The following SPECC1 variants were observed in gnomAD, a reference collection of about 807,000 sequenced individuals.
SPECC1 encodes the protein sperm antigen with calponin homology and coiled-coil domains 1.
In SPECC1, 62 loss-of-function variants were observed where a neutral mutation model predicts 104.1. The ratio of observed to expected loss-of-function variants is 0.60; its 90% CI spans 0.49 to 0.74. The LOEUF is 0.74. Among genes scored for constraint, SPECC1 ranks in the 30% least tolerant of loss-of-function variants. SPECC1 has a pLI of 0.00. For synonymous variants in SPECC1, 513 were observed against 501.6 expected (o/e 1.02, Z -0.30); for missense variants, 1,306 against 1,310.5 (o/e 1.00, Z 0.05).
At chr17:20,070,456 T>C (rs2046506608) in intron 1 of SPECC1, among the ~76,000 whole-genome samples, 1 of 152,176 alleles carries the variant, frequency 6.6e-6, no homozygotes, top group South Asian at 2.1e-4. Context: ...AGAAATTCCA[T>C]TTGGTCATGG....
At chr17:20,272,187 C>T (rs1389480727) in intron 12 of SPECC1, among the ~76,000 whole-genome samples, 1 of 152,114 alleles carries the variant, frequency 6.6e-6, no homozygotes, top group Non-Finnish European at 1.5e-5. Context: ...TTCTTCTACT[C>T]TGTTTTCTTT....
chr17:20,197,576 T>G (rs997611995), intron 3 of SPECC1, among the ~76,000 whole-genome samples: 1 of 152,228 alleles, frequency 6.6e-6, no homozygotes, highest in South Asian at 2.1e-4. Context: ...TTAACTAATA[T>G]GATTTTTAGA....
At chr17:20,012,699 TGTG>T (rs1469992104) in intron 1 of SPECC1, among the ~76,000 whole-genome samples, 2 of 152,086 alleles carry the variant, frequency 1.3e-5, no homozygotes, top group African/African-American at 4.8e-5. Flanking sequence ...TAATAAATAT[TGTG>T]GTAAAATAAC....
intron 5 of SPECC1, among the ~76,000 whole-genome samples, chr17:20,228,564 G>C (rs2151464671): frequency 6.6e-6 from 1 of 152,318 alleles, no homozygotes; most frequent in East Asian, 1.9e-4. Context: ...CTGACACTGT[G>C]TTATCTCTTG....
chr17:20,299,784 A>G (rs1012511487), intron 13 of SPECC1, among the ~76,000 whole-genome samples: 1 of 152,144 alleles, frequency 6.6e-6, no homozygotes, highest in African/African-American at 2.4e-5. Context: ...TATTTAAATC[A>G]TGTGAAGTCT....
At chr17:20,066,394 G>T (rs1337716673) in intron 1 of SPECC1, among the ~76,000 whole-genome samples, 6 of 152,176 alleles carry the variant, frequency 3.9e-5, no homozygotes, top group Non-Finnish European at 7.4e-5. Context: ...TTCTTGTTCT[G>T]TGCAGAGCTG....
chr17:20,110,388 C>T (rs2048426000), intron 2 of SPECC1, 39 bp from the exon 3 acceptor site: 1 of 1,571,790 alleles, frequency 6.4e-7, no homozygotes, highest in African/African-American at 1.4e-5. Context: ...TCCTGAAAAC[C>T]ACCTCTTCAT....
intron 4 of SPECC1, among the ~76,000 whole-genome samples, chr17:20,221,975 T>C (rs980211179): frequency 1.3e-5 from 2 of 152,162 alleles, no homozygotes; most frequent in African/African-American, 4.8e-5. Context: ...ATTTCTAGTT[T>C]TATTCCATGG....
At chr17:20,162,425 C>T (rs1300287760) in intron 3 of SPECC1, among the ~76,000 whole-genome samples, 10 of 152,248 alleles carry the variant, frequency 6.6e-5, no homozygotes, top group Middle Eastern at 3.4e-3. Flanking sequence ...GGATTACAGA[C>T]GTGAGCCACC....
intron 13 of SPECC1, among the ~76,000 whole-genome samples, chr17:20,300,805 A>C (rs2041552385): frequency 6.6e-6 from 1 of 152,002 alleles, no homozygotes; most frequent in South Asian, 2.1e-4. Flanking sequence ...CAGACCAATC[A>C]CCCGACCACC....
intron 1 of SPECC1, among the ~76,000 whole-genome samples, chr17:20,047,914 C>T (rs150343889): frequency 0.011 from 1,612 of 152,194 alleles, 18 homozygotes; most frequent in Admixed American, 0.015. Context: ...AATGAATGTC[C>T]GCTTTCACTG....
At chr17:20,195,337 A>T (rs1051317530) in intron 3 of SPECC1, among the ~76,000 whole-genome samples, 7 of 150,966 alleles carry the variant, frequency 4.6e-5, no homozygotes, top group Non-Finnish European at 8.8e-5. Flanking sequence ...TCTGTGATAC[A>T]CAGAATTTTA....
intron 3 of SPECC1, among the ~76,000 whole-genome samples, chr17:20,162,786 G>C (rs929880942): frequency 2.0e-5 from 3 of 152,210 alleles, no homozygotes; most frequent in Non-Finnish European, 4.4e-5. Flanking sequence ...GCAGCACTTT[G>C]GGAGGCCAAG....
chr17:20,284,492 G>A (rs895832994), intron 12 of SPECC1, among the ~76,000 whole-genome samples: 2 of 152,246 alleles, frequency 1.3e-5, no homozygotes, highest in Admixed American at 1.3e-4. Flanking sequence ...AAAACTGGAT[G>A]TGTGTGTACA....
intron 8 of SPECC1, among the ~76,000 whole-genome samples, chr17:20,246,496 C>G (rs2039428388): frequency 6.6e-6 from 1 of 152,176 alleles, no homozygotes; most frequent in African/African-American, 2.4e-5. Flanking sequence ...CTGGCCATCC[C>G]CATCTTGCAA....
At position 20,091,814 on chromosome 17, in the gene SPECC1, C is replaced by A. The variant is rs2047414575; in HGVS notation, c.-21-4817C>A. 2.0e-5 allele frequency among the ~76,000 whole-genome samples: 3 copies of A among 152,302 alleles called. No individual in the cohort carries two copies. The South Asian group carries it at 6.2e-4, about 32-fold the overall frequency. Reference sequence around the variant, plus strand: ...TAGCCGAGCCCTGAGTGCCCTCTCCCACTCCTGGAGACTCGTCATTATTTT... The same window carrying A: ...TAGCCGAGCCCTGAGTGCCCTCTCCAACTCCTGGAGACTCGTCATTATTTT... On this transcript the variant is annotated intron_variant, in intron 1 of 14. Transcript: ENST00000395527.
chr17:20,015,493 C>G (rs2044083645), intron 1 of SPECC1, among the ~76,000 whole-genome samples: 1 of 149,782 alleles, frequency 6.7e-6, no homozygotes, highest in South Asian at 2.1e-4. Flanking sequence ...GGTCACCAAT[C>G]TAATATTTAG....
intron 4 of SPECC1, 106 bp from the exon 5 acceptor site, chr17:20,227,307 T>C (rs1183575634): frequency 1.1e-6 from 1 of 897,654 alleles, no homozygotes; most frequent in African/African-American, 1.7e-5. Flanking sequence ...TTCAGGTTTG[T>C]TACATGGGTA....
At chr17:20,141,712 G>C (rs1031433127) in intron 3 of SPECC1, among the ~76,000 whole-genome samples, 1 of 152,092 alleles carries the variant, frequency 6.6e-6, no homozygotes. Flanking sequence ...GTCAATATCT[G>C]TTTCCACCAC....
Sources: allele counts gnomAD v4.1 joint callset (sites outside exome capture counted in the v4.1 genomes callset), GRCh38; gene constraint gnomAD v4.1.1; transcripts MANE v1.5; gene names NCBI Gene and HGNC (gene_info 2026-07-23, HGNC 2026-07-21).